Variants in TMEM67 observed in about 807,000 individuals in gnomAD.
TMEM67 encodes the protein transmembrane protein 67, also known as meckelin.
In TMEM67, 124 loss-of-function variants were observed where a neutral mutation model predicts 136.6. The ratio of observed to expected loss-of-function variants is 0.91; its 90% CI spans 0.78 to 1.05. The LOEUF (loss-of-function observed/expected upper bound fraction) is 1.05, where lower values mean the gene tolerates loss of function less well. Among genes scored for constraint, TMEM67 ranks in the 50% least tolerant of loss-of-function variants. The pLI is 0.00. For synonymous variants in TMEM67, 364 were observed against 390.5 expected (o/e 0.93, Z 0.80); for missense variants, 1,107 against 1,178.4 (o/e 0.94, Z 0.89).
At position 93,813,887 on chromosome 8, in the gene TMEM67, G is replaced by GT. The variant is rs553755818; in HGVS notation, c.2765-1412dup. Reference sequence around the variant, plus strand: ...CACCAAGAGAGAGCATGTAAAACAGGTTTTTTAAGATTATATATGCAAGTG... The same window carrying GT: ...CACCAAGAGAGAGCATGTAAAACAGGTTTTTTTAAGATTATATATGCAAGTG... On this transcript the variant is annotated intron_variant, in intron 26 of 27. Coordinates refer to ENST00000453321, the MANE Select transcript of TMEM67 (RefSeq NM_153704.6). Among the ~76,000 whole-genome samples, 437 of 152,198 alleles carry GT rather than the reference G, an allele frequency of 2.9e-3. 5 individuals are homozygous for GT. The highest frequency in any genetic ancestry group is 9.2e-3 in the African/African-American group (383 of 41,520).
Position 93,765,487 on chromosome 8 carries a change from C to T in TMEM67, c.576+12C>T, listed in dbSNP as rs759085365. On this transcript the variant is annotated intron_variant, in intron 5 of 27. Coordinates refer to ENST00000453321, the MANE Select transcript of TMEM67 (RefSeq NM_153704.6). ...AACCTAACATTTTAGTAAGGCTAACCAAATTGATAAAGTATATATATTTTT... is the reference window on the plus strand; with the variant it reads ...AACCTAACATTTTAGTAAGGCTAACTAAATTGATAAAGTATATATATTTTT... 1 of 1,609,472 alleles carries T rather than the reference C, an allele frequency of 6.2e-7. No individual in the cohort carries two copies. Among genetic ancestry groups the T allele is most frequent in the Admixed American group, 1.7e-5 (1 of 60,020 alleles).
chr8:93,789,673 T>A (rs1272386893), intron 14 of TMEM67, among the ~76,000 whole-genome samples: 21 of 149,588 alleles, frequency 1.4e-4, no homozygotes, highest in African/African-American at 4.6e-4. Context: ...TATATATATT[T>A]TTTTTTTAAT....
intron 13 of TMEM67, among the ~76,000 whole-genome samples, chr8:93,787,099 C>T (rs981999195): frequency 6.6e-6 from 1 of 152,130 alleles, no homozygotes; most frequent in Admixed American, 6.5e-5. Context: ...TGAAAATGCA[C>T]CTAGTCAGAC....
At chr8:93,803,830 A>C (rs1225823896) in intron 22 of TMEM67, 146 bp downstream of exon 22, 13 of 655,126 alleles carry the variant, frequency 2.0e-5, no homozygotes, top group Non-Finnish European at 3.3e-5. Context: ...AGATAATTAT[A>C]ATGAGCTACA....
At chr8:93,830,435 A>G in the TMEM67 span, among the ~76,000 whole-genome samples, 2 of 152,206 alleles carry the variant, frequency 1.3e-5, no homozygotes, top group Admixed American at 6.5e-5. Flanking sequence ...CCAGTCTGTC[A>G]GAACTTCTGG....
chr8:93,815,061 A>G (rs1434010622), intron 26 of TMEM67, among the ~76,000 whole-genome samples: 1 of 152,230 alleles, frequency 6.6e-6, no homozygotes, highest in African/African-American at 2.4e-5. Flanking sequence ...ACTACTAGCA[A>G]TTACCAACCA....
chr8:93,758,246 G>T (rs1812669841), intron 2 of TMEM67, among the ~76,000 whole-genome samples: 1 of 152,160 alleles, frequency 6.6e-6, no homozygotes, highest in South Asian at 2.1e-4. Flanking sequence ...GAAGAAGAGA[G>T]AACTATTATC....
chr8:93,810,541 T>C lies in TMEM67; in HGVS notation c.2764+654T>C, dbSNP rs186428325. 1.7e-3 allele frequency among the ~76,000 whole-genome samples: 260 copies of C among 152,106 alleles called. 1 individual carries two copies. The highest frequency in any genetic ancestry group is 6.8e-3 in the Middle Eastern group (2 of 294). On this transcript the variant is annotated intron_variant, in intron 26 of 27. Coordinates refer to ENST00000453321, the MANE Select transcript of TMEM67 (RefSeq NM_153704.6). ...GTTGCAGTGAGCTGGGATCACTCCA[T>C]TGCACTCCAGCCTGGGCAACAAGAG...
chr8:93,788,248 C>CT (rs1178921189), intron 14 of TMEM67, among the ~76,000 whole-genome samples: 1 of 152,082 alleles, frequency 6.6e-6, no homozygotes, highest in Non-Finnish European at 1.5e-5. Context: ...TGCTCCTGTT[C>CT]TTTTTGGCCA....
chr8:93,828,355 C>T, the TMEM67 span, among the ~76,000 whole-genome samples: 4 of 152,288 alleles, frequency 2.6e-5, no homozygotes, highest in South Asian at 8.3e-4. Context: ...ACAACAAGAA[C>T]AACAAGCAAG....
chr8:93,807,631 T>C (rs1003594300), intron 23 of TMEM67, among the ~76,000 whole-genome samples: 1 of 152,106 alleles, frequency 6.6e-6, no homozygotes, highest in African/African-American at 2.4e-5. Flanking sequence ...TTCTTTTTTG[T>C]ATTTCTCTTT....
chr8:93,788,260 C>T (rs1044625911), intron 14 of TMEM67, among the ~76,000 whole-genome samples: 1 of 152,056 alleles, frequency 6.6e-6, no homozygotes, highest in African/African-American at 2.4e-5. Context: ...TTTTGGCCAC[C>T]TTGCTTTTGT....
In TMEM67 at chr8:93,787,877, C is replaced by T. The variant is rs774288177; in HGVS notation, c.1446C>T (p.Asn482=). ...VHLVPNTING[N]IYPPLITIAY... Reference sequence around the variant, plus strand: ...TTGTACCCAACACAATAAATGGAAACATCTACCCTCCCTTAATCACCATTG... The same window carrying T: ...TTGTACCCAACACAATAAATGGAAATATCTACCCTCCCTTAATCACCATTG... The change falls in exon 14 of 28, where the codon AAC becomes AAT. Residue 482 remains asparagine (N), a synonymous_variant. Coordinates refer to ENST00000453321, the MANE Select transcript of TMEM67 (RefSeq NM_153704.6). 134 of 1,613,810 alleles carry T rather than the reference C, an allele frequency of 8.3e-5. No individual in the cohort carries two copies. Among genetic ancestry groups the T allele is most frequent in the Non-Finnish European group, 1.1e-4 (127 of 1,179,908 alleles).
At chr8:93,795,171 G>A (rs1814550163) in intron 16 of TMEM67, 2 of 572,754 alleles carry the variant, frequency 3.5e-6, no homozygotes, top group South Asian at 4.2e-5. Flanking sequence ...TTCTTAGATA[G>A]TGAAAGATGA....
At position 93,779,674 on chromosome 8, in the gene TMEM67, G is replaced by A. The variant is rs539791778; in HGVS notation, c.715-919G>A. Among the ~76,000 whole-genome samples, 3 of 152,270 alleles carry A rather than the reference G, an allele frequency of 2.0e-5. No individual in the cohort carries two copies. The South Asian group carries it at 6.2e-4, about 32-fold the overall frequency. Reference sequence around the variant, plus strand: ...AGTTTGCTAGAGGTCCACTCCAGACGCTGTTTTCCTGGATATTACCAGCGG... The same window carrying A: ...AGTTTGCTAGAGGTCCACTCCAGACACTGTTTTCCTGGATATTACCAGCGG... On this transcript the variant is annotated intron_variant, in intron 7 of 27. Transcript: ENST00000453321.
intron 21 of TMEM67, among the ~76,000 whole-genome samples, chr8:93,801,590 C>T (rs928956934): frequency 2.6e-5 from 4 of 151,864 alleles, no homozygotes; most frequent in Non-Finnish European, 5.9e-5. Flanking sequence ...TTAGTAGAGA[C>T]GGGGTTTTAC....
intron 14 of TMEM67, 148 bp downstream of exon 14, chr8:93,788,097 T>C: frequency 1.5e-6 from 1 of 665,662 alleles, no homozygotes; most frequent in Non-Finnish European, 2.6e-6. Context: ...TAATTATTCT[T>C]TACTAATAAT....
At chr8:93,770,628 G>A (rs1004530768) in intron 6 of TMEM67, among the ~76,000 whole-genome samples, 24 of 151,954 alleles carry the variant, frequency 1.6e-4, no homozygotes, top group African/African-American at 4.4e-4. Flanking sequence ...ACATATTTTC[G>A]CAAGATATTA....
At chr8:93,802,007 A>G (rs1814892154) in intron 21 of TMEM67, among the ~76,000 whole-genome samples, 1 of 152,236 alleles carries the variant, frequency 6.6e-6, no homozygotes, top group Admixed American at 6.5e-5. Context: ...TAGAGAGTCT[A>G]AAGCAATATC....
Sources: allele counts gnomAD v4.1 joint callset (sites outside exome capture counted in the v4.1 genomes callset), GRCh38; gene constraint gnomAD v4.1.1; transcripts MANE v1.5; gene names NCBI Gene and HGNC (gene_info 2026-07-23, HGNC 2026-07-21).